Variants in PKHD1 observed in about 807,000 individuals in gnomAD.
PKHD1 encodes the protein fibrocystin.
Under a neutral mutation model 412.0 loss-of-function variants are expected in PKHD1, and 291 were observed. That is an observed-to-expected ratio of 0.71 (90% confidence interval 0.64 to 0.78). The LOEUF (loss-of-function observed/expected upper bound fraction) is 0.78, where lower values mean the gene tolerates loss of function less well. Among genes scored for constraint, PKHD1 ranks in the 30% least tolerant of loss-of-function variants. PKHD1 has a pLI of 0.00. For synonymous variants in PKHD1, 1,777 were observed against 1,821.5 expected (o/e 0.98, Z 0.62); for missense variants, 4,825 against 4,950.7 (o/e 0.97, Z 0.76).
Position 51,659,153 on chromosome 6 carries a change from A to G in PKHD1, c.10973T>C (p.Ile3658Thr), listed in dbSNP as rs142536551. The part of the protein sequence containing the change: ...RASPPMTVET[I>T]SKVIVIEIGD... The stretch of plus-strand genomic sequence containing the variant: ...AATTTCAATGACAATCACTTTTGAG[A>G]TAGTTTCCACAGTCATTGGGGGTGA... Residue 3658 changes from isoleucine to threonine, a missense_variant, in exon 61 of 67, where the codon ATC (isoleucine) becomes ACC (threonine). Coordinates refer to ENST00000371117, the MANE Select transcript of PKHD1 (RefSeq NM_138694.4). 3.3e-4 allele frequency: 527 copies of G among 1,613,698 alleles called. No homozygotes were observed. The highest frequency in any genetic ancestry group is 4.0e-4 in the Non-Finnish European group (467 of 1,179,858).
chr6:51,640,762 G>C (rs549444361), intron 63 of PKHD1, among the ~76,000 whole-genome samples: 18 of 152,128 alleles, frequency 1.2e-4, no homozygotes, highest in Admixed American at 6.5e-5. Context: ...TTAATGTTGA[G>C]ATGTTATCTT....
At chr6:51,665,701 A>C (rs1434498283) in intron 60 of PKHD1, among the ~76,000 whole-genome samples, 3 of 152,164 alleles carry the variant, frequency 2.0e-5, no homozygotes, top group Non-Finnish European at 4.4e-5. Context: ...TAAAATGTAC[A>C]TTTCAAAAAG....
chr6:51,971,032 C>T (rs192850901), intron 35 of PKHD1, among the ~76,000 whole-genome samples: 35 of 152,292 alleles, frequency 2.3e-4, no homozygotes, highest in Middle Eastern at 3.4e-3. Context: ...CTGTAGATTG[C>T]TTTCAATCCG....
At chr6:52,070,899 T>C in intron 9 of PKHD1, 107 bp downstream of exon 9, 3 of 753,010 alleles carry the variant, frequency 4.0e-6, no homozygotes, top group South Asian at 1.5e-5. Flanking sequence ...ATAGTAATTA[T>C]TGTTATTATT....
intron 66 of PKHD1, among the ~76,000 whole-genome samples, chr6:51,621,298 T>C (rs1408292260): frequency 1.3e-5 from 2 of 152,014 alleles, no homozygotes; most frequent in African/African-American, 4.8e-5. Context: ...TAATTACTGC[T>C]CCCACCAGGT....
intron 16 of PKHD1, among the ~76,000 whole-genome samples, chr6:52,057,453 T>C (rs1191060167): frequency 6.6e-6 from 1 of 152,020 alleles, no homozygotes; most frequent in African/African-American, 2.4e-5. Context: ...AGTTTCACTC[T>C]GTCACCAGGC....
At chr6:52,082,587 G>C (rs1812204420) in intron 3 of PKHD1, 45 bp from the exon 4 acceptor site, 1 of 1,592,584 alleles carries the variant, frequency 6.3e-7, no homozygotes, top group Admixed American at 1.7e-5. Flanking sequence ...AATTGTCATT[G>C]ACACAGGACA....
At chr6:51,694,199 C>T (rs147218038) in intron 60 of PKHD1, among the ~76,000 whole-genome samples, 2 of 151,992 alleles carry the variant, frequency 1.3e-5, no homozygotes, top group African/African-American at 4.8e-5. Context: ...TTTAACAATG[C>T]CTGCAAATGT....
chr6:51,884,692 C>CA (rs1171061578), intron 45 of PKHD1, among the ~76,000 whole-genome samples: 1 of 151,868 alleles, frequency 6.6e-6, no homozygotes. Context: ...TGCAGAATTT[C>CA]AAAAAATGGC....
At chr6:51,745,003 T>C (rs2150965054) in intron 59 of PKHD1, among the ~76,000 whole-genome samples, 1 of 152,244 alleles carries the variant, frequency 6.6e-6, no homozygotes, top group Admixed American at 6.5e-5. Context: ...ATGATGGTAA[T>C]AAAGCCAAAC....
chr6:51,791,650 A>G lies in PKHD1; in HGVS notation c.8303-277T>C, dbSNP rs571577017. On this transcript the variant is annotated intron_variant, in intron 52 of 66. Transcript: ENST00000371117. ...AGCTGCCCCAAGTCTAGTGCAGTGG[A>G]AACACACAGATCGAATGAGCTCCCT... is the stretch of plus-strand genomic sequence containing the variant. 1.1e-4 allele frequency among the ~76,000 whole-genome samples: 16 copies of G among 152,316 alleles called. No individual in the cohort carries two copies. In the Middle Eastern group the frequency reaches 0.01, roughly 97 times the overall value.
At chr6:51,927,748 G>C (rs1325141443) in intron 37 of PKHD1, among the ~76,000 whole-genome samples, 2 of 152,214 alleles carry the variant, frequency 1.3e-5, no homozygotes, top group African/African-American at 4.8e-5. Flanking sequence ...GAGCAGAGCA[G>C]AGAAAGGGGT....
chr6:52,026,304 T>C, intron 31 of PKHD1, 123 bp from the exon 32 acceptor site: 1 of 920,744 alleles, frequency 1.1e-6, no homozygotes, highest in African/African-American at 1.6e-5. Context: ...GAAACCTCAA[T>C]TATTTTTTCT....
intron 5 of PKHD1, among the ~76,000 whole-genome samples, chr6:52,077,278 T>C (rs879751655): frequency 5.3e-5 from 8 of 152,160 alleles, no homozygotes; most frequent in Non-Finnish European, 8.8e-5. Flanking sequence ...GATTAGTGCA[T>C]TACTCCATCA....
At chr6:51,804,014 G>A (rs1448198778) in intron 52 of PKHD1, among the ~76,000 whole-genome samples, 1 of 151,354 alleles carries the variant, frequency 6.6e-6, no homozygotes, top group Non-Finnish European at 1.5e-5. Context: ...TGAAATTGAT[G>A]GGATGAGTTT....
intron 35 of PKHD1, among the ~76,000 whole-genome samples, chr6:51,974,489 G>A (rs1019896486): frequency 6.6e-6 from 1 of 152,222 alleles, no homozygotes; most frequent in African/African-American, 2.4e-5. Context: ...AAGCAACCAG[G>A]ATGATAAGAA....
intron 35 of PKHD1, among the ~76,000 whole-genome samples, chr6:51,962,574 T>G (rs1222010492): frequency 6.6e-6 from 1 of 152,092 alleles, no homozygotes; most frequent in Non-Finnish European, 1.5e-5. Flanking sequence ...TACTGTTATC[T>G]CTACTTTCCA....
chr6:51,779,008 C>T (rs941105788), intron 53 of PKHD1, among the ~76,000 whole-genome samples: 1 of 152,058 alleles, frequency 6.6e-6, no homozygotes, highest in African/African-American at 2.4e-5. Flanking sequence ...ATTAGATGTC[C>T]CCTTTTGTGT....
intron 52 of PKHD1, among the ~76,000 whole-genome samples, chr6:51,826,277 A>G (rs970869940): frequency 3.9e-5 from 6 of 152,204 alleles, no homozygotes; most frequent in Admixed American, 3.3e-4. Context: ...CAAACAGAAG[A>G]GCTATTATAA....
Sources: gnomAD v4.1 joint callset for allele counts (sites outside exome capture counted in the v4.1 genomes callset) on GRCh38, gnomAD v4.1.1 for gene constraint, MANE v1.5 for transcripts, NCBI Gene and HGNC (gene_info 2026-07-23, HGNC 2026-07-21) for gene names.